The following ZNF644 variants were observed in gnomAD, a reference collection of about 807,000 sequenced individuals.
The protein encoded by ZNF644 is zinc finger protein 644.
A neutral mutation model predicts 108.0 loss-of-function variants in ZNF644; 20 were observed. That is an observed-to-expected ratio of 0.19 (90% CI 0.13 to 0.27). The LOEUF is 0.27. Among genes scored for constraint, ZNF644 ranks in the 10% least tolerant of loss-of-function variants. The probability of loss-of-function intolerance (pLI) is 1.00; values close to 1 mark genes in which losing one functional copy is unlikely to be tolerated. For synonymous variants in ZNF644, 542 were observed against 539.1 expected (o/e 1.01, Z -0.08); for missense variants, 1,338 against 1,548.9 (o/e 0.86, Z 2.29).
chr1:90,956,820 C>T (rs1332780912), intron 2 of ZNF644, among the ~76,000 whole-genome samples: 1 of 151,910 alleles, frequency 6.6e-6, no homozygotes, highest in Non-Finnish European at 1.5e-5. Context: ...GTCTCAAAAA[C>T]AAAAACAAGA....
intron 1 of ZNF644, among the ~76,000 whole-genome samples, chr1:91,005,158 A>G (rs1470355961): frequency 2.0e-5 from 3 of 152,150 alleles, no homozygotes; most frequent in Non-Finnish European, 4.4e-5. Flanking sequence ...ACCATGCAGA[A>G]AGTAACCAAA....
intron 1 of ZNF644, among the ~76,000 whole-genome samples, chr1:90,995,585 T>C (rs1658072440): frequency 6.6e-6 from 1 of 152,064 alleles, no homozygotes; most frequent in African/African-American, 2.4e-5. Flanking sequence ...CATATGCATA[T>C]ATATCATAGT....
At chr1:90,976,998 C>T (rs1200802204) in intron 2 of ZNF644, among the ~76,000 whole-genome samples, 2 of 151,074 alleles carry the variant, frequency 1.3e-5, no homozygotes, top group Non-Finnish European at 2.9e-5. Flanking sequence ...CTCTTTTTTT[C>T]TGGTTGTAAA....
chr1:90,988,576 C>CA (rs1657340523), intron 1 of ZNF644, among the ~76,000 whole-genome samples: 1 of 152,006 alleles, frequency 6.6e-6, no homozygotes, highest in Non-Finnish European at 1.5e-5. Context: ...CCCATAGAGC[C>CA]AAAACAAACT....
At chr1:90,972,403 C>A (rs745573492) in intron 2 of ZNF644, among the ~76,000 whole-genome samples, 1 of 151,950 alleles carries the variant, frequency 6.6e-6, no homozygotes, top group African/African-American at 2.4e-5. Flanking sequence ...AATTATTAGA[C>A]AAATACAAAT....
At chr1:91,007,219 C>CTTTTTTTTTTTTTTTTTTTTTTTTTTT (rs1557658445) in intron 1 of ZNF644, among the ~76,000 whole-genome samples, 1 of 114,248 alleles carries the variant, frequency 8.8e-6, no homozygotes. Flanking sequence ...CATTTTCTCC[C>CTTTTTTTTTTTTTTTTTTTTTTTTTTT]ATTTTGTTTT....
chr1:90,950,521 T>G (rs1653031938), intron 2 of ZNF644, among the ~76,000 whole-genome samples: 1 of 151,584 alleles, frequency 6.6e-6, no homozygotes, highest in Non-Finnish European at 1.5e-5. Flanking sequence ...ATGATGAATC[T>G]TATACATTAA....
At chr1:90,953,708 A>G (rs1025457163) in intron 2 of ZNF644, among the ~76,000 whole-genome samples, 2 of 152,116 alleles carry the variant, frequency 1.3e-5, no homozygotes, top group African/African-American at 4.8e-5. Context: ...TGAGGTCAAG[A>G]GTTCAAGACC....
intron 1 of ZNF644, among the ~76,000 whole-genome samples, chr1:91,014,469 C>A (rs1436300951): frequency 6.6e-6 from 1 of 152,058 alleles, no homozygotes; most frequent in Non-Finnish European, 1.5e-5. Context: ...TTTCAGATAG[C>A]TATAAATTAT....
intron 1 of ZNF644, among the ~76,000 whole-genome samples, chr1:91,015,433 CTTGGGT>C (rs1330299722): frequency 6.6e-6 from 1 of 152,206 alleles, no homozygotes; most frequent in Non-Finnish European, 1.5e-5. Flanking sequence ...TCACTCTCAT[CTTGGGT>C]TTATACGTAC....
At chr1:91,009,670 A>G (rs1014669992) in intron 1 of ZNF644, among the ~76,000 whole-genome samples, 1 of 152,210 alleles carries the variant, frequency 6.6e-6, no homozygotes, top group Non-Finnish European at 1.5e-5. Flanking sequence ...GCATACAAGT[A>G]CAAGCTCTTC....
intron 1 of ZNF644, among the ~76,000 whole-genome samples, chr1:91,018,116 T>C (rs1237248423): frequency 6.6e-6 from 1 of 152,210 alleles, no homozygotes; most frequent in Non-Finnish European, 1.5e-5. Flanking sequence ...CAGAATTTAA[T>C]TTAGAGTCTT....
At chr1:90,965,213 T>C (rs1458798993) in intron 2 of ZNF644, among the ~76,000 whole-genome samples, 1 of 152,166 alleles carries the variant, frequency 6.6e-6, no homozygotes. Flanking sequence ...GGCTGAAATA[T>C]CTGGGAACTG....
At chr1:91,007,415 T>C (rs969984143) in intron 1 of ZNF644, among the ~76,000 whole-genome samples, 2 of 151,976 alleles carry the variant, frequency 1.3e-5, no homozygotes, top group African/African-American at 2.4e-5. Context: ...GGTTTTACCA[T>C]GTTGGCCAGG....
chr1:90,918,063 A>G lies in ZNF644; in HGVS notation c.3780T>C (p.Ile1260=). 1.2e-6 allele frequency: 2 copies of G among 1,613,940 alleles called. No homozygotes were observed. The highest frequency in any genetic ancestry group is 1.7e-6 in the Non-Finnish European group (2 of 1,179,846). ...TLPHGADEVY[I]LRCRFCGLVF... is the part of the protein sequence containing the mutation. ...ATATAGGCATATACCTGCATCGGAG[A>G]ATGTAAACCTCGTCAGCACCATGAG... Residue 1260 remains isoleucine, a synonymous_variant, in exon 5 of 6, where the codon ATT becomes ATC. Coordinates refer to ENST00000337393, the MANE Select transcript of ZNF644 (RefSeq NM_201269.3).
In ZNF644 at chr1:90,937,837, T is replaced by G; in HGVS notation, c.3336A>C (p.Ala1112=). The G allele has an allele frequency of 2.5e-6, 4 of 1,613,928 alleles. No homozygotes were observed. The highest frequency in any genetic ancestry group is 3.4e-6 in the Non-Finnish European group (4 of 1,179,874). ...TTTGAGATATAAAGTCATCACTTGA[T>G]GCAAGTTTTTGAGCTACAAATGGTC... ...IPRPFVAQKL[A]SSDDFISQNV... is the part of the protein sequence containing the mutation. Residue 1112 remains alanine, a synonymous_variant, in exon 4 of 6, where the codon GCA becomes GCC. Transcript: ENST00000337393.
rs150981585 is a variant in ZNF644, at chr1:91,014,328, T to G, written c.-18+7662A>C. 3.9e-3 allele frequency among the ~76,000 whole-genome samples: 591 copies of G among 152,286 alleles called. 1 individual carries two copies. The highest frequency in any genetic ancestry group is 0.013 in the African/African-American group (529 of 41,576). The stretch of plus-strand genomic sequence containing the variant: ...AGAATTCAACATTAAGCTTTTTTCT[T>G]TTATGAATTAAATATTATATTAGGA... On this transcript the variant is annotated intron_variant, in intron 1 of 5. Coordinates refer to ENST00000337393, the MANE Select transcript of ZNF644 (RefSeq NM_201269.3).
chr1:91,007,219 C>CGTTTTTTTTTTTTTTTTTTT (rs1557658445), intron 1 of ZNF644, among the ~76,000 whole-genome samples: 2 of 114,248 alleles, frequency 1.8e-5, no homozygotes, highest in African/African-American at 6.6e-5. Flanking sequence ...CATTTTCTCC[C>CGTTTTTTTTTTTTTTTTTTT]ATTTTGTTTT....
chr1:91,006,531 C>T (rs1165582704), intron 1 of ZNF644, among the ~76,000 whole-genome samples: 2 of 152,232 alleles, frequency 1.3e-5, no homozygotes, highest in Non-Finnish European at 2.9e-5. Context: ...TCCTAACTCA[C>T]TCCTATAAGG....
Sources: allele counts gnomAD v4.1 joint callset (sites outside exome capture counted in the v4.1 genomes callset), GRCh38; gene constraint gnomAD v4.1.1; transcripts MANE v1.5; gene names NCBI Gene and HGNC (gene_info 2026-07-23, HGNC 2026-07-21).